SLC5A4: variants seen among roughly 807,000 people sequenced by gnomAD.
SLC5A4 encodes solute carrier family 5 member 4, also known as probable glucose sensor protein SLC5A4.
A neutral mutation model predicts 70.3 loss-of-function variants in SLC5A4; 55 were observed. The observed-to-expected ratio is 0.78, with a 90% CI of 0.63 to 0.98. SLC5A4 has a LOEUF of 0.98. Among genes scored for constraint, SLC5A4 ranks in the 50% least tolerant of loss-of-function variants. SLC5A4 has a pLI of 0.00. For missense variants in SLC5A4, 735 were observed against 839.2 expected (o/e 0.88, Z 1.53); for synonymous variants, 268 against 305.7 (o/e 0.88, Z 1.29).
the SLC5A4 span, among the ~76,000 whole-genome samples, chr22:32,314,594 A>G: frequency 1.3e-5 from 2 of 152,148 alleles, no homozygotes; most frequent in Non-Finnish European, 2.9e-5. Context: ...AGTTTAATGT[A>G]AAAGGATGGG....
At chr22:32,329,707 G>GTT in the SLC5A4 span, among the ~76,000 whole-genome samples, 1 of 8,954 alleles carries the variant, frequency 1.1e-4, no homozygotes, top group Non-Finnish European at 1.9e-4. Flanking sequence ...TGGGGGCTCT[G>GTT]GTGTGTGTTG....
chr22:32,294,562 C>T, the SLC5A4 span, among the ~76,000 whole-genome samples: 1 of 149,664 alleles, frequency 6.7e-6, no homozygotes, highest in Non-Finnish European at 1.5e-5. Context: ...TTTCCTCCTG[C>T]CCCACCCCCT....
chr22:32,314,360 A>G, the SLC5A4 span, among the ~76,000 whole-genome samples: 1 of 152,208 alleles, frequency 6.6e-6, no homozygotes, highest in Admixed American at 6.5e-5. Flanking sequence ...TGTTTTACAC[A>G]TTGCTGCATT....
intron 3 of SLC5A4, among the ~76,000 whole-genome samples, chr22:32,251,430 A>G (rs1225305065): frequency 6.6e-6 from 1 of 151,984 alleles, no homozygotes; most frequent in African/African-American, 2.4e-5. Context: ...CTGATTTTAA[A>G]AAATGAGTTT....
chr22:32,248,205 C>G (rs188324195), intron 4 of SLC5A4, among the ~76,000 whole-genome samples: 5 of 152,300 alleles, frequency 3.3e-5, no homozygotes, highest in Admixed American at 6.5e-5. Flanking sequence ...TAAATGAATG[C>G]CTGACAGATT....
chr22:32,289,998 G>T, the SLC5A4 span, among the ~76,000 whole-genome samples: 7 of 152,200 alleles, frequency 4.6e-5, no homozygotes, highest in Non-Finnish European at 1.0e-4. Context: ...TATGATTGGC[G>T]TGGTTTCTAG....
chr22:32,228,812 A>T (rs368762138), intron 11 of SLC5A4, among the ~76,000 whole-genome samples: 20 of 152,078 alleles, frequency 1.3e-4, no homozygotes, highest in African/African-American at 4.6e-4. Flanking sequence ...GGAAGACTTA[A>T]TCCATTACCT....
At chr22:32,333,196 A>ACCCCCCCC in the SLC5A4 span, among the ~76,000 whole-genome samples, 20 of 136,870 alleles carry the variant, frequency 1.5e-4, no homozygotes, top group East Asian at 1.1e-3. Flanking sequence ...TAGCACTGGC[A>ACCCCCCCC]CCCCCCCCCC....
the SLC5A4 span, among the ~76,000 whole-genome samples, chr22:32,332,635 G>A: frequency 9.8e-3 from 1,496 of 152,302 alleles, 7 homozygotes; most frequent in Non-Finnish European, 0.013. Flanking sequence ...GGTCAACAGG[G>A]AGCTGTGTCA....
At chr22:32,244,138 C>T (rs1712914660) in intron 5 of SLC5A4, among the ~76,000 whole-genome samples, 1 of 152,200 alleles carries the variant, frequency 6.6e-6, no homozygotes, top group Admixed American at 6.5e-5. Flanking sequence ...GAGCCTAGAT[C>T]CCAACTCGGT....
At chr22:32,316,062 G>A in the SLC5A4 span, among the ~76,000 whole-genome samples, 9 of 150,622 alleles carry the variant, frequency 6.0e-5, no homozygotes, top group East Asian at 1.9e-4. Context: ...CCAGCTACTC[G>A]GGAGGCTGAA....
chr22:32,321,241 G>A, the SLC5A4 span, among the ~76,000 whole-genome samples: 25 of 152,264 alleles, frequency 1.6e-4, 1 homozygote, highest in African/African-American at 4.6e-4. Flanking sequence ...AGCTGAGATC[G>A]TGCCATTGCA....
chr22:32,223,938 TGA>T (rs1925232291), intron 13 of SLC5A4, among the ~76,000 whole-genome samples: 1 of 152,124 alleles, frequency 6.6e-6, no homozygotes, highest in Non-Finnish European at 1.5e-5. Context: ...TTTTTTTTTT[TGA>T]GACAGTGTCT....
chr22:32,295,349 T>C, the SLC5A4 span, among the ~76,000 whole-genome samples: 1 of 107,830 alleles, frequency 9.3e-6, no homozygotes, highest in Non-Finnish European at 2.0e-5. Context: ...TTTTTAATGA[T>C]TGCCATTCTA....
chr22:32,277,351 A>G, the SLC5A4 span, among the ~76,000 whole-genome samples: 1 of 152,222 alleles, frequency 6.6e-6, no homozygotes, highest in African/African-American at 2.4e-5. Flanking sequence ...ATGATAGGTT[A>G]GAATAGAAAT....
the SLC5A4 span, among the ~76,000 whole-genome samples, chr22:32,290,717 TC>T: frequency 3.9e-5 from 6 of 152,114 alleles, no homozygotes; most frequent in Non-Finnish European, 1.5e-5. Flanking sequence ...GCTCTCTGCC[TC>T]CAAGATCGCA....
At chr22:32,306,803 C>T in the SLC5A4 span, among the ~76,000 whole-genome samples, 164 of 152,240 alleles carry the variant, frequency 1.1e-3, no homozygotes, top group African/African-American at 2.9e-3. Context: ...AGACACTGAC[C>T]GCTTGGTTAT....
intron 13 of SLC5A4, among the ~76,000 whole-genome samples, chr22:32,221,595 A>G (rs189245351): frequency 5.3e-4 from 81 of 152,288 alleles, no homozygotes; most frequent in African/African-American, 1.9e-3. Context: ...TATTTTCTGT[A>G]AATATATTAA....
the SLC5A4 span, among the ~76,000 whole-genome samples, chr22:32,325,796 G>C: frequency 6.6e-6 from 1 of 152,262 alleles, no homozygotes; most frequent in Non-Finnish European, 1.5e-5. Context: ...GAAGCTCAGA[G>C]AGACAATGTC....
Sources: allele counts gnomAD v4.1 joint callset (sites outside exome capture counted in the v4.1 genomes callset), GRCh38; gene constraint gnomAD v4.1.1; transcripts MANE v1.5; gene names NCBI Gene and HGNC (gene_info 2026-07-23, HGNC 2026-07-21).